The following CCDC43 variants were observed in gnomAD, a reference collection of about 807,000 sequenced individuals.
CCDC43 encodes coiled-coil domain containing 43.
Under a neutral mutation model 33.3 loss-of-function variants are expected in CCDC43, and 20 were observed. The observed-to-expected ratio is 0.60, with a 90% CI of 0.42 to 0.87. CCDC43 has a LOEUF of 0.87. CCDC43 is among the 40% of genes least tolerant of loss of function. The pLI is 0.00. For synonymous variants in CCDC43, 104 were observed against 106.5 expected (o/e 0.98, Z 0.14); for missense variants, 248 against 269.9 (o/e 0.92, Z 0.57).
intron 1 of CCDC43, 154 bp downstream of exon 1, chr17:44,689,396 T>A: frequency 8.6e-7 from 1 of 1,162,212 alleles, no homozygotes; most frequent in South Asian, 1.6e-5. Flanking sequence ...GGGAGCAACC[T>A]CCTTCCCCCG....
chr17:44,685,921 CT>C (rs548308139), intron 1 of CCDC43, among the ~76,000 whole-genome samples: 5,247 of 150,060 alleles, frequency 0.035, 122 homozygotes, highest in Middle Eastern at 0.13. Context: ...AGCCCATGTT[CT>C]TTTTTTTTTG....
intron 4 of CCDC43, among the ~76,000 whole-genome samples, chr17:44,679,831 C>T (rs1350741624): frequency 6.6e-6 from 1 of 151,428 alleles, no homozygotes; most frequent in Non-Finnish European, 1.5e-5. Flanking sequence ...GAGGCGGAGG[C>T]TGCAGTGAGC....
intron 3 of CCDC43, among the ~76,000 whole-genome samples, chr17:44,681,339 G>A (rs1972158631): frequency 6.6e-6 from 1 of 152,178 alleles, no homozygotes; most frequent in Admixed American, 6.5e-5. Context: ...TCGGGAGGCT[G>A]AGGCAGGAGA....
At chr17:44,683,802 T>TTA in intron 2 of CCDC43, 70 bp downstream of exon 2, 1 of 1,055,362 alleles carries the variant, frequency 9.5e-7, no homozygotes, top group Non-Finnish European at 1.5e-6. Flanking sequence ...AAAGATCTCT[T>TTA]CCTAACAGCT....
rs534943447 is a variant in CCDC43 at position 44,689,729 on chromosome 17, C to T, written c.25G>A (p.Ala9Thr). The change falls in exon 1 of 5, where the codon GCG (alanine) becomes ACG (threonine). Residue 9 changes from alanine (A) to threonine (T), a missense_variant. Physicochemically the swap from Ala to Thr is moderately conservative, Grantham distance 58. Coordinates refer to ENST00000315286, the MANE Select transcript of CCDC43 (RefSeq NM_144609.3). MAAPSEVA[A>T]IAPGEGDGGG... ...CCATCGCCTTCGCCAGGGGCTATCG[C>T]GGCCACTTCGCTGGGCGCCGCCATC... 7.3e-5 allele frequency: 115 copies of T among 1,576,394 alleles called. 1 individual carries two copies. The Middle Eastern group carries it at 1.5e-3, about 21-fold the overall frequency.
At chr17:44,689,519 G>C in intron 1 of CCDC43, 31 bp downstream of exon 1, 1 of 1,613,630 alleles carries the variant, frequency 6.2e-7, no homozygotes, top group Non-Finnish European at 8.5e-7. Flanking sequence ...ATGCTGGCCA[G>C]AGGCTGAAGG....
rs1972147119 is a variant in CCDC43 at position 44,680,734 on chromosome 17, C to G, written c.429-91G>C. On this transcript the variant is annotated intron_variant, in intron 3 of 4. Coordinates refer to ENST00000315286, the MANE Select transcript of CCDC43 (RefSeq NM_144609.3). ...TAGACTGGTAAGTAGGAAAAGCACA[C>G]TGAATGGAGGGAGCACATTATCAGG... 6 of 904,602 alleles carry G rather than the reference C, an allele frequency of 6.6e-6. No individual in the cohort carries two copies. In the South Asian group the frequency reaches 6.9e-5, roughly 10 times the overall value. 56.0% of individuals were successfully genotyped at this position (904,602 alleles called of 1,614,324 possible). A position where few individuals can be genotyped will look rare whatever the true frequency, so the allele number is the denominator to read the frequency against.
At chr17:44,684,086 A>C in intron 1 of CCDC43, 127 bp from the exon 2 acceptor site, 3 of 649,890 alleles carry the variant, frequency 4.6e-6, no homozygotes, top group Non-Finnish European at 8.2e-6. Flanking sequence ...TGGGAGCCAC[A>C]ATAGAGTATG....
Position 44,677,458 on chromosome 17 carries a change from A to G in CCDC43, c.*1398T>C. ...GAAGACAGCAATTTAAATAAGATTT[A>G]TTTTTTTAAAGGTGGTTATTTTTAT... On this transcript the variant is annotated 3_prime_UTR_variant, in exon 5 of 5. Transcript: ENST00000315286. The G allele has an allele frequency of 6.6e-6, 1 of 151,932 alleles. No individual in the cohort carries two copies. Among genetic ancestry groups the G allele is most frequent in the South Asian group, 2.1e-4 (1 of 4,828 alleles). The allele number at this position is 151,932 out of a possible 1,614,324, so 9.4% of individuals were successfully genotyped here. A position where few individuals can be genotyped will look rare whatever the true frequency, so the allele number is the denominator to read the frequency against.
chr17:44,682,128 CT>C lies in CCDC43; in HGVS notation c.302del (p.Gln101ArgfsTer6). ...VTKVKKEDEV[Q>X]AIATLIEKQA... The stretch of plus-strand genomic sequence containing the variant: ...GCTTCTCAATTAGGGTGGCAATGGC[CT>C]GTACTTCATCTGGGAGGTGGTGGAA... On this transcript the variant is annotated frameshift_variant, in exon 3 of 5. Transcript: ENST00000315286. LOFTEE classifies it high-confidence loss of function. 5 of 1,613,954 alleles carry C rather than the reference CT, an allele frequency of 3.1e-6. No individual in the cohort carries two copies. Among genetic ancestry groups the C allele is most frequent in the Non-Finnish European group, 4.2e-6 (5 of 1,179,880 alleles).
chr17:44,685,867 A>G (rs1972226895), intron 1 of CCDC43, among the ~76,000 whole-genome samples: 1 of 152,246 alleles, frequency 6.6e-6, no homozygotes, highest in East Asian at 1.9e-4. Context: ...TCTTACAAGT[A>G]ATAATGGATT....
rs537303521 is a variant in CCDC43 at position 44,687,588 on chromosome 17, T to C, written c.204+1962A>G. The stretch of plus-strand genomic sequence containing the variant: ...ACAGTGAGTTATGATCACATTACTA[T>C]AACAGAGCGAGACTCTCTTAAAAAA... On this transcript the variant is annotated intron_variant, in intron 1 of 4. Transcript: ENST00000315286. The C allele has an allele frequency of 5.3e-5, 8 of 151,108 alleles. No homozygotes were observed. The South Asian group carries it at 1.0e-3, about 20-fold the overall frequency. 9.4% of individuals were successfully genotyped at this position (151,108 alleles called of 1,614,324 possible). A position where few individuals can be genotyped will look rare whatever the true frequency, so the allele number is the denominator to read the frequency against.
At position 44,682,063 on chromosome 17, in the gene CCDC43, TC is replaced by T; in HGVS notation, c.367del (p.Glu123ArgfsTer16). The T allele has an allele frequency of 6.2e-7, 1 of 1,614,034 alleles. No homozygotes were observed. The highest frequency in any genetic ancestry group is 8.5e-7 in the Non-Finnish European group (1 of 1,179,904). ...IVVKPRMVSEEEKQRKAALLA... is the reference protein window; with the variant it reads ...IVVKPRMVSEXEKQRKAALLA... ...GAGGGCAGCTTTTCTCTGCTTCTCC[TC>T]TTCTGACACCATCCTTGGCTTTACT... On this transcript the variant is annotated frameshift_variant, in exon 3 of 5. Transcript: ENST00000315286. LOFTEE classifies it high-confidence loss of function.
At chr17:44,685,723 C>T (rs549985310) in intron 1 of CCDC43, among the ~76,000 whole-genome samples, 90 of 152,312 alleles carry the variant, frequency 5.9e-4, no homozygotes, top group African/African-American at 2.0e-3. Flanking sequence ...TAAGCATTTA[C>T]CATGTGCCAG....
Position 44,678,555 on chromosome 17 carries a change from C to A in CCDC43, c.*301G>T. 1 of 250,082 alleles carries A rather than the reference C, an allele frequency of 4.0e-6. No individual in the cohort carries two copies. The highest frequency in any genetic ancestry group is 7.6e-6 in the Non-Finnish European group (1 of 131,704). The allele number at this position is 250,082 out of a possible 1,614,324, so 15.5% of individuals were successfully genotyped here. A position where few individuals can be genotyped will look rare whatever the true frequency, so the allele number is the denominator to read the frequency against. Reference sequence around the variant, plus strand: ...GTTAGCTTTCTGAATCCTATTTATCCAAGGTGAGGGAAGACTTTTTAAAGT... The same window carrying A: ...GTTAGCTTTCTGAATCCTATTTATCAAAGGTGAGGGAAGACTTTTTAAAGT... On this transcript the variant is annotated 3_prime_UTR_variant, in exon 5 of 5. Coordinates refer to ENST00000315286, the MANE Select transcript of CCDC43 (RefSeq NM_144609.3).
chr17:44,679,122 C>T, intron 4 of CCDC43, 79 bp from the exon 5 acceptor site: 7 of 1,127,306 alleles, frequency 6.2e-6, no homozygotes, highest in Non-Finnish European at 8.9e-6. Flanking sequence ...TACTTATCCT[C>T]TCTCCACCTG....
In CCDC43 at chr17:44,689,773, A is replaced by C; in HGVS notation, c.-20T>G. ...CGCCATCTTGGGGTCAGGGTCCTGC[A>C]AGCCCCTAGGGCGCCTACCGCAGTG... On this transcript the variant is annotated 5_prime_UTR_variant, in exon 1 of 5. Coordinates refer to ENST00000315286, the MANE Select transcript of CCDC43 (RefSeq NM_144609.3). 6.5e-7 allele frequency: 1 copy of C among 1,542,314 alleles called. No individual in the cohort carries two copies. The highest frequency in any genetic ancestry group is 8.7e-7 in the Non-Finnish European group (1 of 1,147,462).
At chr17:44,686,457 C>A (rs932396796) in intron 1 of CCDC43, among the ~76,000 whole-genome samples, 1 of 152,150 alleles carries the variant, frequency 6.6e-6, no homozygotes, top group Non-Finnish European at 1.5e-5. Flanking sequence ...AGTGGTACAG[C>A]TCTTTTAAAA....
At chr17:44,681,234 C>T (rs1307690810) in intron 3 of CCDC43, among the ~76,000 whole-genome samples, 3 of 152,036 alleles carry the variant, frequency 2.0e-5, no homozygotes, top group Non-Finnish European at 2.9e-5. Context: ...GTCAGGAGAT[C>T]GAGACCAGCC....
Sources: allele counts gnomAD v4.1 joint callset (sites outside exome capture counted in the v4.1 genomes callset), GRCh38; gene constraint gnomAD v4.1.1; transcripts MANE v1.5; gene names NCBI Gene and HGNC (gene_info 2026-07-23, HGNC 2026-07-21).